DLGAP1: variants seen among roughly 807,000 people sequenced by gnomAD.
DLGAP1 encodes disks large-associated protein 1.
Under a neutral mutation model 90.8 loss-of-function variants are expected in DLGAP1, and 11 were observed. The ratio of observed to expected loss-of-function variants is 0.12; its 90% CI spans 0.08 to 0.20. DLGAP1 has a LOEUF of 0.20. Ranked by LOEUF, DLGAP1 falls within the 10% of genes least tolerant of loss-of-function variation. DLGAP1 has a pLI of 1.00. For missense variants in DLGAP1, 1,050 were observed against 1,333.8 expected (o/e 0.79, Z 3.31); for synonymous variants, 558 against 540.7 (o/e 1.03, Z -0.44).
chr18:3,676,426 C>T (rs1255736977), intron 7 of DLGAP1, among the ~76,000 whole-genome samples: 1 of 152,142 alleles, frequency 6.6e-6, no homozygotes, highest in South Asian at 2.1e-4. Flanking sequence ...CTTTTTCTTC[C>T]TCCTTCTTTT....
intron 3 of DLGAP1, among the ~76,000 whole-genome samples, chr18:3,886,852 A>G (rs1481568439): frequency 1.3e-5 from 2 of 152,210 alleles, no homozygotes; most frequent in Non-Finnish European, 2.9e-5. Context: ...TCTGGAAAAC[A>G]TCTCTAAAGT....
chr18:3,523,663 C>G (rs1232001), intron 10 of DLGAP1, among the ~76,000 whole-genome samples: 28 of 151,494 alleles, frequency 1.8e-4, no homozygotes, highest in East Asian at 1.4e-3. Flanking sequence ...CTGGCTAACA[C>G]GGTGAAACCC....
At chr18:3,655,264 C>T (rs563637210) in intron 7 of DLGAP1, among the ~76,000 whole-genome samples, 20 of 152,274 alleles carry the variant, frequency 1.3e-4, no homozygotes, top group South Asian at 4.1e-4. Flanking sequence ...AACGAGAACA[C>T]ACACCCCCCC....
At chr18:3,887,844 C>T (rs930559020) in intron 3 of DLGAP1, among the ~76,000 whole-genome samples, 1 of 152,074 alleles carries the variant, frequency 6.6e-6, no homozygotes, top group African/African-American at 2.4e-5. Context: ...GGCAGTGGCT[C>T]ATGCCTGTGA....
chr18:3,651,223 G>C (rs1164853020), intron 7 of DLGAP1, among the ~76,000 whole-genome samples: 1 of 152,096 alleles, frequency 6.6e-6, no homozygotes, highest in Non-Finnish European at 1.5e-5. Context: ...GCTGGGCATG[G>C]TGGCAGGCGC....
Position 3,581,914 on chromosome 18 carries a change from G to T in DLGAP1, c.1926C>A (p.Asp642Glu), listed in dbSNP as rs773967905. Reference protein sequence around the residue: ...ATVTTEDRKKDHFKKNRCLSI... With the variant: ...ATVTTEDRKKEHFKKNRCLSI... ...ACAGGCATCGATTTTTCTTAAAGTG[G>T]TCCTTCTTCCTGTCCTCCGTGGTGA... The change falls in exon 8 of 13, where the codon GAC becomes GAA. Residue 642 changes from aspartate (D) to glutamate (E), a missense_variant. By Grantham distance (45) the Asp-to-Glu change is conservative. Around this residue, in one of 2 missense-constraint regions of DLGAP1, gnomAD observed 565 missense variants for 879.7 expected, o/e 0.64. Coordinates refer to ENST00000315677, the MANE Select transcript of DLGAP1 (RefSeq NM_004746.4). 1.2e-6 allele frequency: 2 copies of T among 1,614,180 alleles called. No homozygotes were observed. The highest frequency in any genetic ancestry group is 4.5e-5 in the East Asian group (2 of 44,888).
intron 1 of DLGAP1, among the ~76,000 whole-genome samples, chr18:4,243,031 A>C: frequency 6.6e-6 from 1 of 152,172 alleles, no homozygotes; most frequent in East Asian, 1.9e-4. Flanking sequence ...AGTGTCAGAA[A>C]GAAAGGGGAG....
chr18:3,815,105 T>C (rs2067037359), intron 4 of DLGAP1, among the ~76,000 whole-genome samples: 1 of 152,176 alleles, frequency 6.6e-6, no homozygotes, highest in African/African-American at 2.4e-5. Context: ...AGGAGAGCAA[T>C]TTTATTTGAG....
chr18:4,066,856 C>A (rs771533463), intron 2 of DLGAP1, among the ~76,000 whole-genome samples: 20 of 152,014 alleles, frequency 1.3e-4, no homozygotes, highest in Non-Finnish European at 2.1e-4. Context: ...AATCATTCTA[C>A]CAGAAAAACA....
At chr18:4,156,799 T>TA (rs2076763762) in intron 1 of DLGAP1, among the ~76,000 whole-genome samples, 1 of 152,220 alleles carries the variant, frequency 6.6e-6, no homozygotes, top group Non-Finnish European at 1.5e-5. Flanking sequence ...CTTCTAGCAC[T>TA]TAAGAATTTT....
Position 4,303,770 on chromosome 18 carries a change from G to T in DLGAP1, c.-267+151236C>A, listed in dbSNP as rs116082818. ...TTCCCTGATTTCTGTGCCTACTAGA[G>T]AAATGGTTCTTAATATTTTAGTTGA... On this transcript the variant is annotated intron_variant, in intron 1 of 12. Transcript: ENST00000315677. Among the ~76,000 whole-genome samples the T allele has an allele frequency of 2.8e-3, 429 of 152,254 alleles. 2 individuals carry two copies. The highest frequency in any genetic ancestry group is 1.0e-2 in the African/African-American group (415 of 41,544).
At chr18:3,750,563 T>A (rs750680557) in intron 5 of DLGAP1, among the ~76,000 whole-genome samples, 19 of 152,232 alleles carry the variant, frequency 1.2e-4, no homozygotes, top group Non-Finnish European at 2.2e-4. Flanking sequence ...CTTGGTCTAC[T>A]GCTTCCTCAG....
intron 5 of DLGAP1, among the ~76,000 whole-genome samples, chr18:3,752,638 C>A (rs2063551747): frequency 6.9e-6 from 1 of 145,368 alleles, no homozygotes; most frequent in African/African-American, 2.6e-5. Context: ...CCCCACCCCC[C>A]TCTCTCTCTC....
chr18:3,732,991 T>G (rs1598498210), intron 6 of DLGAP1, among the ~76,000 whole-genome samples: 1 of 152,188 alleles, frequency 6.6e-6, no homozygotes, highest in East Asian at 1.9e-4. Flanking sequence ...CTTAGATCTT[T>G]ATTCCATACT....
chr18:3,902,439 G>A (rs932435218), intron 3 of DLGAP1, among the ~76,000 whole-genome samples: 4 of 152,198 alleles, frequency 2.6e-5, no homozygotes, highest in Non-Finnish European at 4.4e-5. Context: ...TAAAGGATGA[G>A]TGTTTAGAAA....
chr18:4,064,017 A>G (rs779744475), intron 2 of DLGAP1, among the ~76,000 whole-genome samples: 7 of 152,026 alleles, frequency 4.6e-5, no homozygotes, highest in Non-Finnish European at 1.0e-4. Flanking sequence ...ATGTAGTTTC[A>G]CCCACCTGGC....
chr18:4,229,780 C>T (rs1252000165), intron 1 of DLGAP1, among the ~76,000 whole-genome samples: 1 of 151,940 alleles, frequency 6.6e-6, no homozygotes, highest in African/African-American at 2.4e-5. Flanking sequence ...GCAACCAAAG[C>T]CAAAGTGGAC....
chr18:3,571,104 T>C (rs2054757479), intron 8 of DLGAP1: 1 of 152,002 alleles, frequency 6.6e-6, no homozygotes, highest in Admixed American at 6.6e-5. Flanking sequence ...TCTTTAAATA[T>C]TTGTATTAAT....
chr18:3,568,760 C>T (rs1336363713), intron 8 of DLGAP1, among the ~76,000 whole-genome samples: 1 of 152,014 alleles, frequency 6.6e-6, no homozygotes, highest in African/African-American at 2.4e-5. Flanking sequence ...GATCTCGGCT[C>T]ACCGCAAGCT....
Sources: allele counts gnomAD v4.1 joint callset (sites outside exome capture counted in the v4.1 genomes callset), GRCh38; gene constraint gnomAD v4.1.1; regional missense constraint gnomAD v4.1.1; transcripts MANE v1.5; gene names NCBI Gene and HGNC (gene_info 2026-07-23, HGNC 2026-07-21).